Variants in WWOX observed in about 807,000 individuals in gnomAD.
WWOX encodes WW domain containing oxidoreductase.
Under a neutral mutation model 46.2 loss-of-function variants are expected in WWOX, and 69 were observed. The observed-to-expected ratio is 1.49, with a 90% CI of 1.23 to 1.82. The LOEUF (loss-of-function observed/expected upper bound fraction) is 1.82, where lower values mean the gene tolerates loss of function less well. WWOX is among the 40% of genes most tolerant of loss of function. The probability of loss-of-function intolerance (pLI) is 0.00; values close to 1 mark genes in which losing one functional copy is unlikely to be tolerated. For missense variants in WWOX, 919 were observed against 542.6 expected, an observed-to-expected ratio of 1.69 and a Z score of -6.89; for synonymous variants, 359 against 202.6, an observed-to-expected ratio of 1.77 and a Z score of -6.56.
At chr16:78,676,491 C>G (rs1340944664) in intron 8 of WWOX, among the ~76,000 whole-genome samples, 2 of 151,530 alleles carry the variant, frequency 1.3e-5, no homozygotes, top group East Asian at 2.0e-4. Context: ...CCTTTGGTGA[C>G]TGGTGGGTTT....
At chr16:78,916,994 C>G (rs1213564064) in intron 8 of WWOX, among the ~76,000 whole-genome samples, 2 of 152,184 alleles carry the variant, frequency 1.3e-5, no homozygotes, top group Non-Finnish European at 2.9e-5. Context: ...TTTTTCTCAG[C>G]ATTGGCACCA....
chr16:78,913,356 C>T (rs966765912), intron 8 of WWOX, among the ~76,000 whole-genome samples: 1 of 152,014 alleles, frequency 6.6e-6, no homozygotes, highest in Non-Finnish European at 1.5e-5. Flanking sequence ...AGCCATGTGC[C>T]TGAGTCTTGG....
At chr16:78,771,645 G>A (rs906009801) in intron 8 of WWOX, among the ~76,000 whole-genome samples, 2 of 152,078 alleles carry the variant, frequency 1.3e-5, no homozygotes, top group African/African-American at 2.4e-5. Context: ...TGTGGTGGGT[G>A]TCTGTAATCC....
chr16:78,394,304 G>A (rs1337387960), intron 6 of WWOX, among the ~76,000 whole-genome samples: 2 of 152,080 alleles, frequency 1.3e-5, no homozygotes. Flanking sequence ...GCAGTTTTTT[G>A]CTCTAATGAA....
At chr16:78,747,263 C>T (rs1402067670) in intron 8 of WWOX, among the ~76,000 whole-genome samples, 4 of 149,374 alleles carry the variant, frequency 2.7e-5, no homozygotes, top group Non-Finnish European at 4.4e-5. Context: ...ACGATCTCGG[C>T]TCATTGCAAC....
chr16:78,669,292 G>A (rs538095841), intron 8 of WWOX, among the ~76,000 whole-genome samples: 2 of 152,352 alleles, frequency 1.3e-5, no homozygotes, highest in East Asian at 3.9e-4. Context: ...TAAGCAATTG[G>A]TGGGATGGAT....
chr16:78,956,003 CA>C (rs749824757), intron 8 of WWOX, among the ~76,000 whole-genome samples: 4 of 151,184 alleles, frequency 2.6e-5, no homozygotes, highest in South Asian at 2.1e-4. Context: ...AAAAAAAACA[CA>C]AAAAAAACTT....
chr16:78,570,015 T>C lies in WWOX; in HGVS notation c.1056+137263T>C, dbSNP rs749567428. On this transcript the variant is annotated intron_variant, in intron 8 of 8. Transcript: ENST00000566780. The stretch of plus-strand genomic sequence containing the variant: ...TGCAGTGGGATGGTTATCGGAAAGA[T>C]TAAAACTCTAAAACTAACAGGTGGA... 4.7e-4 allele frequency among the ~76,000 whole-genome samples: 72 copies of C among 152,274 alleles called. 1 individual carries two copies. Among genetic ancestry groups the C allele is most frequent in the Middle Eastern group, 3.4e-3 (1 of 294 alleles).
chr16:79,022,753 C>T (rs943312875), intron 8 of WWOX, among the ~76,000 whole-genome samples: 2 of 152,182 alleles, frequency 1.3e-5, no homozygotes, highest in African/African-American at 4.8e-5. Context: ...CCACCAAGCC[C>T]GGAACTGAGG....
intron 8 of WWOX, among the ~76,000 whole-genome samples, chr16:78,717,838 C>G (rs1029366222): frequency 6.6e-6 from 1 of 152,082 alleles, no homozygotes; most frequent in Non-Finnish European, 1.5e-5. Context: ...TTATATTTCC[C>G]TCTCTGTCTT....
At chr16:78,801,536 G>A (rs143631955) in intron 8 of WWOX, among the ~76,000 whole-genome samples, 38 of 152,250 alleles carry the variant, frequency 2.5e-4, no homozygotes, top group African/African-American at 7.2e-4. Context: ...TGCTATTTTA[G>A]CTTCCGATGA....
intron 8 of WWOX, among the ~76,000 whole-genome samples, chr16:78,854,972 T>C (rs1237022796): frequency 6.6e-6 from 1 of 151,808 alleles, no homozygotes; most frequent in African/African-American, 2.4e-5. Flanking sequence ...AGTGAAGTAA[T>C]GGCTTCTCAA....
chr16:78,278,173 C>T (rs986773175), intron 5 of WWOX, among the ~76,000 whole-genome samples: 10 of 152,162 alleles, frequency 6.6e-5, no homozygotes, highest in East Asian at 3.9e-4. Context: ...GCAGGCAGTG[C>T]GAAAACTGTA....
Position 78,818,237 on chromosome 16 carries a change from G to C in WWOX, c.1056+385485G>C, listed in dbSNP as rs147663648. Among the ~76,000 whole-genome samples the C allele has an allele frequency of 6.7e-3, 1,020 of 152,326 alleles. 6 individuals carry two copies. Among genetic ancestry groups the C allele is most frequent in the African/African-American group, 0.023 (965 of 41,578 alleles). ...ATGGCTGAAGGCTACAGGTTACCCTGGAAGGGAGACCTGGGCTGCACATCA... is the reference window on the plus strand; with the variant it reads ...ATGGCTGAAGGCTACAGGTTACCCTCGAAGGGAGACCTGGGCTGCACATCA... On this transcript the variant is annotated intron_variant, in intron 8 of 8. Transcript: ENST00000566780.
At chr16:78,229,522 A>T (rs2037182646) in intron 5 of WWOX, among the ~76,000 whole-genome samples, 1 of 148,348 alleles carries the variant, frequency 6.7e-6, no homozygotes, top group African/African-American at 2.5e-5. Flanking sequence ...AGAGATATAT[A>T]TATATATATA....
intron 8 of WWOX, among the ~76,000 whole-genome samples, chr16:79,113,917 G>A (rs2049462626): frequency 6.6e-6 from 1 of 152,204 alleles, no homozygotes; most frequent in African/African-American, 2.4e-5. Flanking sequence ...AATCGGAGTA[G>A]CAGGGCTGAG....
intron 4 of WWOX, chr16:78,123,791 C>T (rs1266060740): frequency 6.6e-6 from 1 of 151,914 alleles, no homozygotes; most frequent in Non-Finnish European, 1.5e-5. Flanking sequence ...GTGTCCCTTG[C>T]CCCCTGCTAC....
Position 78,919,212 on chromosome 16 carries a change from T to C in WWOX, c.1057-292396T>C, listed in dbSNP as rs144132890. Among the ~76,000 whole-genome samples the C allele has an allele frequency of 6.7e-3, 1,017 of 152,208 alleles. 8 individuals are homozygous for C. Among genetic ancestry groups the C allele is most frequent in the African/African-American group, 0.024 (983 of 41,528 alleles). The stretch of plus-strand genomic sequence containing the variant: ...TGTGCTATTCTCTTATGTGTATTCA[T>C]TTATTTAATTCCCTTAACAGTTCTT... On this transcript the variant is annotated intron_variant, in intron 8 of 8. Coordinates refer to ENST00000566780, the MANE Select transcript of WWOX (RefSeq NM_016373.4).
At chr16:78,860,271 A>C (rs1013641934) in intron 8 of WWOX, among the ~76,000 whole-genome samples, 2 of 152,234 alleles carry the variant, frequency 1.3e-5, no homozygotes, top group Non-Finnish European at 2.9e-5. Context: ...AATATTTGTG[A>C]ATCAGTAAAT....
Sources: gnomAD v4.1 joint callset for allele counts (sites outside exome capture counted in the v4.1 genomes callset) on GRCh38, gnomAD v4.1.1 for gene constraint, MANE v1.5 for transcripts, NCBI Gene and HGNC (gene_info 2026-07-23, HGNC 2026-07-21) for gene names.